Variants in KALRN observed in about 807,000 individuals in gnomAD.
KALRN encodes kalirin RhoGEF kinase, also known as kalirin.
KALRN carries 70 observed loss-of-function variants against 353.7 expected under a neutral mutation model. That is an observed-to-expected ratio of 0.20 (90% CI 0.16 to 0.24). KALRN has a LOEUF of 0.24. Among genes scored for constraint, KALRN ranks in the 10% least tolerant of loss-of-function variants. The pLI is 1.00. For missense variants in KALRN, 2,791 were observed against 3,756.7 expected, an observed-to-expected ratio of 0.74 and a Z score of 6.72; for synonymous variants, 1,391 against 1,434.8, an observed-to-expected ratio of 0.97 and a Z score of 0.69.
intron 1 of KALRN, chr3:124,162,930 G>C (rs2070221598): frequency 6.6e-6 from 1 of 152,194 alleles, no homozygotes; most frequent in African/African-American, 2.4e-5. Context: ...GATGACACCA[G>C]TACCTCCTTC....
At chr3:124,574,023 CTGTGAGTGTTGGGTGTA>C (rs1281664245) in intron 34 of KALRN, among the ~76,000 whole-genome samples, 1 of 152,110 alleles carries the variant, frequency 6.6e-6, no homozygotes, top group African/African-American at 2.4e-5. Flanking sequence ...TGTGCTGACA[CTGTGAGTGTTGGGTGTA>C]TATGAGGGGA....
rs1391902677 is a variant in KALRN, at chr3:124,696,117, C to G, written c.7578-17C>G. 1.2e-6 allele frequency: 2 copies of G among 1,613,014 alleles called. No individual in the cohort carries two copies. The highest frequency in any genetic ancestry group is 4.5e-5 in the East Asian group (2 of 44,834). ...CTCATTACTGGAGTCTGAAGAGCAT[C>G]CTTTTGGTGTCCCTAGTGATTCTGG... On this transcript the variant is annotated splice_polypyrimidine_tract_variant and intron_variant, in intron 53 of 59. Coordinates refer to ENST00000682506, the MANE Select transcript of KALRN (RefSeq NM_001388419.1).
intron 1 of KALRN, among the ~76,000 whole-genome samples, chr3:124,088,265 G>T (rs1327999647): frequency 6.6e-6 from 1 of 152,110 alleles, no homozygotes; most frequent in East Asian, 1.9e-4. Context: ...TGTGTCACAA[G>T]GTATAGTCAA....
chr3:124,108,338 A>G (rs547955670), intron 1 of KALRN, among the ~76,000 whole-genome samples: 1 of 152,336 alleles, frequency 6.6e-6, no homozygotes, highest in East Asian at 1.9e-4. Flanking sequence ...TATCTCCTCC[A>G]GGAAAATGTA....
chr3:124,650,953 C>T lies in KALRN; in HGVS notation c.5795+15C>T. On this transcript the variant is annotated intron_variant, in intron 38 of 59. Transcript: ENST00000682506. The stretch of plus-strand genomic sequence containing the variant: ...AGAGGCAGGATGTAAGTGGCTTCCC[C>T]AGTTCCTCCCTGTGGTGCACATGTG... The T allele has an allele frequency of 1.2e-6, 2 of 1,613,640 alleles. No individual in the cohort carries two copies. Among genetic ancestry groups the T allele is most frequent in the Non-Finnish European group, 8.5e-7 (1 of 1,179,904 alleles).
intron 10 of KALRN, 74 bp from the exon 11 acceptor site, chr3:124,384,771 T>G (rs2087946500): frequency 7.0e-7 from 1 of 1,430,308 alleles, no homozygotes; most frequent in African/African-American, 1.4e-5. Context: ...CCGCTTCAGC[T>G]CCGGGGAGCC....
intron 1 of KALRN, among the ~76,000 whole-genome samples, chr3:124,171,032 G>T (rs2071740276): frequency 6.6e-6 from 1 of 151,556 alleles, no homozygotes; most frequent in Non-Finnish European, 1.5e-5. Flanking sequence ...AGCCAGGCTG[G>T]TCTTGAACTC....
At chr3:124,230,305 A>G (rs1456280259) in intron 2 of KALRN, among the ~76,000 whole-genome samples, 1 of 152,098 alleles carries the variant, frequency 6.6e-6, no homozygotes, top group East Asian at 1.9e-4. Context: ...ACTTCTGCCA[A>G]GTTGAGCCTT....
At chr3:124,043,607 A>G (rs1231602662) in intron 1 of KALRN, among the ~76,000 whole-genome samples, 2 of 152,094 alleles carry the variant, frequency 1.3e-5, no homozygotes, top group Non-Finnish European at 2.9e-5. Context: ...GAGAGAGAGC[A>G]TCATCTGGCT....
intron 13 of KALRN, among the ~76,000 whole-genome samples, chr3:124,407,249 T>C (rs1382304327): frequency 1.3e-5 from 2 of 152,202 alleles, no homozygotes; most frequent in Non-Finnish European, 2.9e-5. Flanking sequence ...GCAAAGCTCC[T>C]GACAGTTAAT....
At chr3:124,089,452 G>A (rs371807702) in intron 1 of KALRN, among the ~76,000 whole-genome samples, 1 of 152,102 alleles carries the variant, frequency 6.6e-6, no homozygotes, top group East Asian at 1.9e-4. Flanking sequence ...CTCCTGGGGG[G>A]TGAACGGCCT....
At chr3:124,563,128 G>C in intron 34 of KALRN, 39 bp downstream of exon 34, 1 of 1,353,392 alleles carries the variant, frequency 7.4e-7, no homozygotes, top group Non-Finnish European at 9.9e-7. Context: ...AGACCAAGGA[G>C]GCCATGAGCG....
At chr3:124,454,049 T>C (rs1296564027) in intron 21 of KALRN, among the ~76,000 whole-genome samples, 1 of 152,228 alleles carries the variant, frequency 6.6e-6, no homozygotes, top group African/African-American at 2.4e-5. Context: ...TTGCTAAAAA[T>C]GAAATTAATC....
intron 34 of KALRN, among the ~76,000 whole-genome samples, chr3:124,618,340 C>A (rs1039362879): frequency 1.3e-5 from 2 of 151,486 alleles, no homozygotes; most frequent in African/African-American, 4.9e-5. Flanking sequence ...TGGTCTCGAT[C>A]TCTTGACTTC....
rs542162393 is a variant in KALRN, at chr3:124,637,015, A to G, written c.5569-193A>G. 6.9e-5 allele frequency: 40 copies of G among 583,886 alleles called. No individual in the cohort carries two copies. In the South Asian group the frequency reaches 7.5e-4, roughly 11 times the overall value. 36.2% of individuals were successfully genotyped at this position (583,886 alleles called of 1,614,324 possible). A position where few individuals can be genotyped will look rare whatever the true frequency, so the allele number is the denominator to read the frequency against. On this transcript the variant is annotated intron_variant, in intron 36 of 59. Transcript: ENST00000682506. Reference sequence around the variant, plus strand: ...TACCATCCATTTGCTGCTGGCTAGAATTCCTAATAAGGGGTTGGGCAGGCC... The same window carrying G: ...TACCATCCATTTGCTGCTGGCTAGAGTTCCTAATAAGGGGTTGGGCAGGCC...
At chr3:124,151,687 CAT>C (rs2068126912) in intron 1 of KALRN, among the ~76,000 whole-genome samples, 1 of 152,108 alleles carries the variant, frequency 6.6e-6, no homozygotes. Flanking sequence ...ATGAAATGAA[CAT>C]ATGTTATTAA....
intron 34 of KALRN, among the ~76,000 whole-genome samples, chr3:124,621,759 C>A (rs150736393): frequency 6.6e-6 from 1 of 152,220 alleles, no homozygotes; most frequent in Non-Finnish European, 1.5e-5. Context: ...AGAACCTGGC[C>A]GTACATAGCC....
intron 1 of KALRN, chr3:124,152,418 G>A: frequency 1.5e-6 from 2 of 1,327,798 alleles, no homozygotes; most frequent in South Asian, 2.3e-5. Flanking sequence ...TGATCCTGAT[G>A]ACAAATGCCA....
intron 1 of KALRN, among the ~76,000 whole-genome samples, chr3:124,185,127 T>G (rs1412692943): frequency 3.3e-5 from 5 of 152,186 alleles, no homozygotes; most frequent in Non-Finnish European, 5.9e-5. Context: ...GTGATTCTCC[T>G]ACCTCAGCCT....
Sources: gnomAD v4.1 joint callset for allele counts (sites outside exome capture counted in the v4.1 genomes callset) on GRCh38, gnomAD v4.1.1 for gene constraint, MANE v1.5 for transcripts, NCBI Gene and HGNC (gene_info 2026-07-23, HGNC 2026-07-21) for gene names.